Variants in TMEM232 observed in about 807,000 individuals in gnomAD.
TMEM232 encodes the protein transmembrane protein 232.
TMEM232 carries 80 observed loss-of-function variants against 78.8 expected under a neutral mutation model. The observed-to-expected ratio is 1.01, with a 90% CI of 0.85 to 1.22. The LOEUF (loss-of-function observed/expected upper bound fraction) is 1.22, where lower values mean the gene tolerates loss of function less well. TMEM232 is among the 50% of genes most tolerant of loss of function. The pLI, the probability that TMEM232 is intolerant of heterozygous loss-of-function variation, is 0.00. For missense variants in TMEM232, 881 were observed against 742.2 expected (o/e 1.19, Z -2.17); for synonymous variants, 297 against 254.3 (o/e 1.17, Z -1.60).
intron 12 of TMEM232, among the ~76,000 whole-genome samples, chr5:110,482,019 T>A (rs1763922621): frequency 2.0e-5 from 3 of 151,998 alleles, no homozygotes; most frequent in Non-Finnish European, 2.9e-5. Context: ...AAACTAAAAA[T>A]TTTTTTAATT....
At chr5:110,499,457 A>G (rs930147379) in intron 12 of TMEM232, among the ~76,000 whole-genome samples, 6 of 152,014 alleles carry the variant, frequency 3.9e-5, no homozygotes, top group African/African-American at 1.4e-4. Flanking sequence ...GGTTCTTGCT[A>G]TGTTGCCAGG....
At chr5:110,646,078 G>C (rs1228467388) in intron 2 of TMEM232, among the ~76,000 whole-genome samples, 1 of 151,388 alleles carries the variant, frequency 6.6e-6, no homozygotes, top group Admixed American at 6.6e-5. Context: ...CAGAAAAAAA[G>C]ACCTGTAAAA....
intron 2 of TMEM232, among the ~76,000 whole-genome samples, chr5:110,665,414 A>G (rs1033680764): frequency 2.0e-5 from 3 of 152,120 alleles, no homozygotes; most frequent in Non-Finnish European, 2.9e-5. Flanking sequence ...GGTAATTTAC[A>G]TACAAAAGAA....
chr5:110,521,506 T>C (rs528413027), intron 12 of TMEM232, among the ~76,000 whole-genome samples: 2 of 152,326 alleles, frequency 1.3e-5, no homozygotes, highest in Non-Finnish European at 1.5e-5. Context: ...AGTTTTGGTG[T>C]CATATTCAAG....
At chr5:110,649,238 G>A (rs1787953627) in intron 2 of TMEM232, among the ~76,000 whole-genome samples, 1 of 152,000 alleles carries the variant, frequency 6.6e-6, no homozygotes, top group African/African-American at 2.4e-5. Flanking sequence ...AGTAAAAACA[G>A]TTAAGGAAAG....
At chr5:110,429,095 A>T (rs548543393) in intron 12 of TMEM232, among the ~76,000 whole-genome samples, 1 of 151,914 alleles carries the variant, frequency 6.6e-6, no homozygotes, top group South Asian at 2.1e-4. Context: ...TAAGAAGAAA[A>T]AGCTTAGATT....
At chr5:110,498,986 A>C (rs1765917140) in intron 12 of TMEM232, among the ~76,000 whole-genome samples, 1 of 152,202 alleles carries the variant, frequency 6.6e-6, no homozygotes, top group South Asian at 2.1e-4. Flanking sequence ...ATATGATACA[A>C]TAATAAGGAG....
intron 10 of TMEM232, among the ~76,000 whole-genome samples, chr5:110,604,451 G>A (rs1426187381): frequency 6.6e-6 from 1 of 151,894 alleles, no homozygotes; most frequent in Non-Finnish European, 1.5e-5. Context: ...AAATCCTCTG[G>A]GCAGGAAAGG....
At chr5:110,718,711 C>T (rs1797277131) in intron 1 of TMEM232, among the ~76,000 whole-genome samples, 1 of 151,982 alleles carries the variant, frequency 6.6e-6, no homozygotes, top group African/African-American at 2.4e-5. Flanking sequence ...CTCTTCTCTT[C>T]TAACACTCCC....
chr5:110,616,186 T>C (rs1200640577), intron 8 of TMEM232, among the ~76,000 whole-genome samples: 1 of 151,990 alleles, frequency 6.6e-6, no homozygotes, highest in African/African-American at 2.4e-5. Context: ...TACAAAGCTA[T>C]AGTAATCAAA....
At chr5:110,680,197 A>G (rs1309504536) in intron 1 of TMEM232, among the ~76,000 whole-genome samples, 4 of 151,846 alleles carry the variant, frequency 2.6e-5, no homozygotes, top group African/African-American at 9.7e-5. Flanking sequence ...TAGGGAGTTC[A>G]AGACCAGCCT....
At position 110,453,234 on chromosome 5, in the gene TMEM232, C is replaced by T. The variant is rs894633148; in HGVS notation, c.1704-28318G>A. Among the ~76,000 whole-genome samples the T allele has an allele frequency of 3.9e-5, 6 of 152,292 alleles. No homozygotes were observed. In the East Asian group the frequency reaches 5.8e-4, roughly 15 times the overall value. ...ATCTGTTACCAAAGAGAAGTGAATT[C>T]TCCATTCTGAGAACCTCAGATACAA... On this transcript the variant is annotated intron_variant, in intron 12 of 13. Transcript: ENST00000455884.
chr5:110,530,987 G>A (rs1204546704), intron 11 of TMEM232, among the ~76,000 whole-genome samples: 4 of 152,060 alleles, frequency 2.6e-5, no homozygotes, highest in South Asian at 2.1e-4. Flanking sequence ...TGACCTGCCC[G>A]TACACATCCA....
chr5:110,640,262 T>C (rs1001926164), intron 4 of TMEM232, among the ~76,000 whole-genome samples: 21 of 152,152 alleles, frequency 1.4e-4, no homozygotes, highest in African/African-American at 2.4e-4. Flanking sequence ...AATTCCCAGA[T>C]AGCACTACAA....
At chr5:110,692,251 T>C (rs1276842184) in intron 1 of TMEM232, among the ~76,000 whole-genome samples, 1 of 152,186 alleles carries the variant, frequency 6.6e-6, no homozygotes, top group African/African-American at 2.4e-5. Flanking sequence ...TGAGTCTGTG[T>C]TTCCCGAGCT....
chr5:110,394,090 C>T (rs1755301340), intron 3 of TMEM232, among the ~76,000 whole-genome samples: 1 of 151,714 alleles, frequency 6.6e-6, no homozygotes, highest in African/African-American at 2.4e-5. Flanking sequence ...TTGCCACTTC[C>T]CTCCCCACCC....
Position 110,419,833 on chromosome 5 carries a change from C to T in TMEM232, c.*747G>A, listed in dbSNP as rs756648862. On this transcript the variant is annotated 3_prime_UTR_variant, in exon 14 of 14. Transcript: ENST00000455884. Reference sequence around the variant, plus strand: ...AAAACTCCACCCTATTACTCTTACTCATAGGTTCAGAACTTCAGATGAAGT... The same window carrying T: ...AAAACTCCACCCTATTACTCTTACTTATAGGTTCAGAACTTCAGATGAAGT... Among the ~76,000 whole-genome samples, 4 of 152,124 alleles carry T rather than the reference C, an allele frequency of 2.6e-5. No individual in the cohort carries two copies. Among genetic ancestry groups the T allele is most frequent in the Non-Finnish European group, 5.9e-5 (4 of 67,982 alleles).
intron 12 of TMEM232, among the ~76,000 whole-genome samples, chr5:110,478,286 A>C (rs1763472190): frequency 6.6e-6 from 1 of 151,992 alleles, no homozygotes; most frequent in Admixed American, 6.6e-5. Flanking sequence ...TTAAACCTTA[A>C]GCCAGATAAT....
In TMEM232 at chr5:110,528,716, T is replaced by C. The variant is rs1314168469; in HGVS notation, c.1575A>G (p.Lys525=). ...IGWRIANTLS[K]LFFPPIEAHF... is the part of the protein sequence containing the mutation. ...GGGCCTCAATGGGGGGAAAGAATAG[T>C]TTGGAAAGAGTGTTGGCAATTCTCC... The change falls in exon 12 of 14, where the codon AAA becomes AAG. Residue 525 remains lysine, a synonymous_variant. Transcript: ENST00000455884. 1 of 1,534,890 alleles carries C rather than the reference T, an allele frequency of 6.5e-7. No homozygotes were observed. Among genetic ancestry groups the C allele is most frequent in the Admixed American group, 2.0e-5 (1 of 50,886 alleles).
Sources: gnomAD v4.1 joint callset for allele counts (sites outside exome capture counted in the v4.1 genomes callset) on GRCh38, gnomAD v4.1.1 for gene constraint, MANE v1.5 for transcripts, NCBI Gene and HGNC (gene_info 2026-07-23, HGNC 2026-07-21) for gene names.